TSPAN4: variants seen among roughly 807,000 people sequenced by gnomAD.
The protein encoded by TSPAN4 is tetraspanin-4.
In TSPAN4, 38 loss-of-function variants were observed where a neutral mutation model predicts 31.5. The ratio of observed to expected loss-of-function variants is 1.21; its 90% CI spans 0.93 to 1.58. The LOEUF (loss-of-function observed/expected upper bound fraction) is 1.58, where lower values mean the gene tolerates loss of function less well. Ranked by LOEUF, TSPAN4 falls within the 40% of genes most tolerant of loss-of-function variation. The pLI is 0.00. For missense variants in TSPAN4, 330 were observed against 317.3 expected, an observed-to-expected ratio of 1.04 and a Z score of -0.30; for synonymous variants, 186 against 144.6, an observed-to-expected ratio of 1.29 and a Z score of -2.06.
rs181671006 is a variant in TSPAN4, at chr11:861,852, G to A, written c.64-698G>A. On this transcript the variant is annotated intron_variant, in intron 3 of 8. Coordinates refer to ENST00000397397, the MANE Select transcript of TSPAN4 (RefSeq NM_003271.5). ...GGAGAATCACTTGAACCTGGGAGGC[G>A]GAGGAGGTTGCAGTGAGCCCAGATG... Among the ~76,000 whole-genome samples, 540 of 152,140 alleles carry A rather than the reference G, an allele frequency of 3.5e-3. 2 individuals are homozygous for A. Among genetic ancestry groups the A allele is most frequent in the Non-Finnish European group, 4.9e-3 (332 of 67,962 alleles).
intron 3 of TSPAN4, among the ~76,000 whole-genome samples, chr11:854,225 G>T (rs1467448112): frequency 6.6e-6 from 1 of 152,198 alleles, no homozygotes; most frequent in Non-Finnish European, 1.5e-5. Flanking sequence ...GCTCCCCAGG[G>T]TGGGTGCTGC....
intron 3 of TSPAN4, among the ~76,000 whole-genome samples, chr11:854,811 C>T (rs1306028715): frequency 6.6e-6 from 1 of 152,236 alleles, no homozygotes; most frequent in Non-Finnish European, 1.5e-5. Flanking sequence ...CATGGCCGGC[C>T]TGCCTGGCGC....
chr11:855,135 C>A (rs1554991032), intron 3 of TSPAN4, among the ~76,000 whole-genome samples: 1 of 152,156 alleles, frequency 6.6e-6, no homozygotes, highest in Non-Finnish European at 1.5e-5. Flanking sequence ...GGCCTGGCTC[C>A]ACGGGGCCTC....
intron 3 of TSPAN4, among the ~76,000 whole-genome samples, chr11:862,085 G>A (rs964075583): frequency 7.2e-5 from 11 of 152,334 alleles, no homozygotes; most frequent in South Asian, 4.1e-4. Context: ...GCCCCATCCC[G>A]GAGTGAGGGC....
chr11:862,954 G>C, intron 4 of TSPAN4: 1 of 580,172 alleles, frequency 1.7e-6, no homozygotes, highest in South Asian at 2.2e-5. Flanking sequence ...AGCGGTGTGG[G>C]GGTCACTCAA....
chr11:857,636 C>G (rs943047355), intron 3 of TSPAN4: 1 of 152,220 alleles, frequency 6.6e-6, no homozygotes, highest in Admixed American at 6.5e-5. Flanking sequence ...ATCTCCTGAC[C>G]TCGTGATCTG....
chr11:865,938 G>T lies in TSPAN4; in HGVS notation c.585G>T (p.Lys195Asn), dbSNP rs1440278622. The T allele has an allele frequency of 6.2e-7, 1 of 1,612,918 alleles. No homozygotes were observed. Among genetic ancestry groups the T allele is most frequent in the Non-Finnish European group, 8.5e-7 (1 of 1,180,002 alleles). The change falls in exon 8 of 9, where the codon AAG becomes AAT. Residue 195 changes from lysine (K) to asparagine (N), a missense_variant. Physicochemically the swap from Lys to Asn is moderately conservative, Grantham distance 94 (BLOSUM62 0). Coordinates refer to ENST00000397397, the MANE Select transcript of TSPAN4 (RefSeq NM_003271.5). The stretch of plus-strand genomic sequence containing the variant: ...TGCAGCCGTGCTACGAGACGGTGAA[G>T]GTGTGGCTTCAGGAGAACCTGCTGG... ...WWKAPCYETVKVWLQENLLAV... is the reference protein window; with the variant it reads ...WWKAPCYETVNVWLQENLLAV...
intron 5 of TSPAN4, 129 bp downstream of exon 5, chr11:864,640 G>A (rs567486904): frequency 5.8e-6 from 7 of 1,210,868 alleles, no homozygotes; most frequent in African/African-American, 1.5e-5. Flanking sequence ...AGGACAGCGG[G>A]TGTGGATTTA....
chr11:864,740 G>A (rs558131787), intron 5 of TSPAN4: 20 of 600,398 alleles, frequency 3.3e-5, no homozygotes, highest in East Asian at 1.7e-4. Context: ...TACCCCACCC[G>A]GAGGGTGCGC....
intron 3 of TSPAN4, among the ~76,000 whole-genome samples, chr11:860,623 C>T (rs1848403507): frequency 6.6e-6 from 1 of 152,184 alleles, no homozygotes; most frequent in Non-Finnish European, 1.5e-5. Flanking sequence ...TGCTGGTGGC[C>T]AGCAGCTATC....
intron 3 of TSPAN4, among the ~76,000 whole-genome samples, chr11:860,505 C>T (rs1392399261): frequency 1.3e-5 from 2 of 152,208 alleles, no homozygotes; most frequent in Non-Finnish European, 2.9e-5. Flanking sequence ...CCCCAGGCCC[C>T]CTGAGGCAAG....
intron 3 of TSPAN4, chr11:862,190 A>C: frequency 4.2e-6 from 1 of 239,176 alleles, no homozygotes. Context: ...CAGACGGTGA[A>C]GCGGGGTTAG....
intron 8 of TSPAN4, among the ~76,000 whole-genome samples, 198 bp from the exon 9 acceptor site, chr11:866,362 CAG>C (rs1274856395): frequency 1.3e-5 from 2 of 151,852 alleles, no homozygotes; most frequent in Admixed American, 6.6e-5. Context: ...CTGCAAGGCT[CAG>C]GGGAGGGTGC....
At position 866,827 on chromosome 11, in the gene TSPAN4, CT is replaced by C. The variant is rs1416219970; in HGVS notation, c.*198del. 18 of 572,004 alleles carry C rather than the reference CT, an allele frequency of 3.1e-5. No individual in the cohort carries two copies. Among genetic ancestry groups the C allele is most frequent in the African/African-American group, 1.3e-4 (7 of 52,218 alleles). 35.4% of individuals were successfully genotyped at this position (572,004 alleles called of 1,614,324 possible). On this transcript the variant is annotated 3_prime_UTR_variant, in exon 9 of 9. Coordinates refer to ENST00000397397, the MANE Select transcript of TSPAN4 (RefSeq NM_003271.5). ...TGGCTTCAGGGCCTCCGGACCCCCC[CT>C]GGGAGGGGTGGCCACGTGCTGGCTG... is the stretch of plus-strand genomic sequence containing the variant.
At position 848,875 on chromosome 11, in the gene TSPAN4, T is replaced by A. The variant is rs1419942408; in HGVS notation, c.-17-1413T>A. On this transcript the variant is annotated intron_variant, in intron 2 of 8. Coordinates refer to ENST00000397397, the MANE Select transcript of TSPAN4 (RefSeq NM_003271.5). This position sits in a 1 kb window ranked among gnomAD's most constrained non-coding sequence, Gnocchi z 5.7. The stretch of plus-strand genomic sequence containing the variant: ...TGTCCCCATCTCCGGCTGTGGGAGG[T>A]GTGTGCGCATCCGGCGTGATGACAC... The A allele has an allele frequency of 2.8e-6, 2 of 705,516 alleles. No homozygotes were observed. The highest frequency in any genetic ancestry group is 2.7e-5 in the East Asian group (1 of 36,776). 43.7% of individuals were successfully genotyped at this position (705,516 alleles called of 1,614,324 possible).
At chr11:850,497 G>A (rs1847616657) in intron 3 of TSPAN4, 130 bp downstream of exon 3, 1 of 764,770 alleles carries the variant, frequency 1.3e-6, no homozygotes, top group South Asian at 1.7e-5. Flanking sequence ...ATGGTCCCGG[G>A]AGGACCCAAG....
At position 866,663 on chromosome 11, in the gene TSPAN4, C is replaced by T. The variant is rs775073117; in HGVS notation, c.*33C>T. On this transcript the variant is annotated 3_prime_UTR_variant, in exon 9 of 9. Transcript: ENST00000397397. The stretch of plus-strand genomic sequence containing the variant: ...ACCGCCCGCTTCTCTGCCAAAAGGA[C>T]GCCCACGGGGAGATGGCCGCACCCA... 122 of 1,599,256 alleles carry T rather than the reference C, an allele frequency of 7.6e-5. No homozygotes were observed. In the East Asian group the frequency reaches 8.3e-4, roughly 11 times the overall value.
intron 5 of TSPAN4, chr11:865,272 G>A: frequency 1.8e-6 from 1 of 554,994 alleles, no homozygotes; most frequent in Middle Eastern, 4.8e-4. Flanking sequence ...CCTGTCCTCT[G>A]TCCCCCCAGG....
chr11:847,533 C>T (rs569718593), intron 2 of TSPAN4, among the ~76,000 whole-genome samples: 25 of 152,206 alleles, frequency 1.6e-4, no homozygotes, highest in African/African-American at 5.3e-4. Flanking sequence ...GTGCCTTGCC[C>T]GGGCCCCTGA....
Sources: allele counts gnomAD v4.1 joint callset (sites outside exome capture counted in the v4.1 genomes callset), GRCh38; gene constraint gnomAD v4.1.1; non-coding constraint Gnocchi (gnomAD v3.1); transcripts MANE v1.5; gene names NCBI Gene and HGNC (gene_info 2026-07-23, HGNC 2026-07-21).